The following VSTM2B variants were observed in gnomAD, a reference collection of about 807,000 sequenced individuals.
VSTM2B encodes V-set and transmembrane domain-containing protein 2B.
Under a neutral mutation model 24.0 loss-of-function variants are expected in VSTM2B, and 24 were observed. The observed-to-expected ratio is 1.00, with a 90% CI of 0.72 to 1.40. The LOEUF (loss-of-function observed/expected upper bound fraction) is 1.40. Ranked by LOEUF, VSTM2B falls within the 40% of genes most tolerant of loss-of-function variation. VSTM2B has a pLI of 0.00. For synonymous variants in VSTM2B, 226 were observed against 194.4 expected, an observed-to-expected ratio of 1.16 and a Z score of -1.35; for missense variants, 399 against 416.4, an observed-to-expected ratio of 0.96 and a Z score of 0.36.
chr19:29,557,460 G>T (rs1348294548), intron 4 of VSTM2B, among the ~76,000 whole-genome samples: 1 of 152,214 alleles, frequency 6.6e-6, no homozygotes, highest in African/African-American at 2.4e-5. Context: ...CACTTTGGGA[G>T]ACCAAGGTGG....
intron 4 of VSTM2B, among the ~76,000 whole-genome samples, chr19:29,544,248 C>T (rs546854438): frequency 6.6e-6 from 1 of 151,700 alleles, no homozygotes; most frequent in East Asian, 1.9e-4. Flanking sequence ...AATGTGCGGC[C>T]GGGCGCGGTG....
chr19:29,546,976 G>A (rs1568443874), intron 4 of VSTM2B, among the ~76,000 whole-genome samples: 2 of 152,204 alleles, frequency 1.3e-5, no homozygotes, highest in Non-Finnish European at 2.9e-5. Flanking sequence ...GGGAAGGAGA[G>A]TTCCAGCTCT....
At chr19:29,542,994 TC>T (rs1337743746) in intron 4 of VSTM2B, among the ~76,000 whole-genome samples, 2 of 152,068 alleles carry the variant, frequency 1.3e-5, no homozygotes, top group African/African-American at 2.4e-5. Context: ...ACACAGCCAA[TC>T]CCAGCCTGCT....
At chr19:29,528,321 G>T in intron 2 of VSTM2B, 112 bp from the exon 3 acceptor site, 1 of 1,352,292 alleles carries the variant, frequency 7.4e-7, no homozygotes. Flanking sequence ...TCCCCCGGGC[G>T]GTTTCGGTCC....
At chr19:29,542,761 T>C (rs1970054758) in intron 4 of VSTM2B, among the ~76,000 whole-genome samples, 1 of 152,112 alleles carries the variant, frequency 6.6e-6, no homozygotes, top group Admixed American at 6.5e-5. Context: ...AGATTTGGGA[T>C]ACAAGTTGAG....
chr19:29,541,299 A>G (rs1970013237), intron 4 of VSTM2B, among the ~76,000 whole-genome samples: 1 of 152,120 alleles, frequency 6.6e-6, no homozygotes, highest in Non-Finnish European at 1.5e-5. Flanking sequence ...GATGGGGAAG[A>G]CCACTTAGGA....
At chr19:29,562,330 G>A (rs1970547977) in intron 4 of VSTM2B, among the ~76,000 whole-genome samples, 1 of 152,210 alleles carries the variant, frequency 6.6e-6, no homozygotes, top group African/African-American at 2.4e-5. Context: ...GCTACCTGGA[G>A]AGAGGAGAGC....
chr19:29,548,349 G>A (rs1970197647), intron 4 of VSTM2B, among the ~76,000 whole-genome samples: 1 of 152,106 alleles, frequency 6.6e-6, no homozygotes, highest in Non-Finnish European at 1.5e-5. Context: ...TGCTCTCAAA[G>A]GTCCGCACCC....
intron 4 of VSTM2B, among the ~76,000 whole-genome samples, chr19:29,555,530 G>C (rs560252793): frequency 6.6e-6 from 1 of 151,956 alleles, no homozygotes; most frequent in Admixed American, 6.6e-5. Context: ...TCCAAAGCTA[G>C]TAAAAGAAAA....
rs559876403 is a variant in VSTM2B, at chr19:29,528,602, G to A, written c.297+140G>A. On this transcript the variant is annotated intron_variant, in intron 3 of 4. Transcript: ENST00000335523. ...GCAGCGATCGCAGCCTTGCATCGGT[G>A]GCTGCTCGGCGTGTCCGGGCGCCAT... 3.7e-4 allele frequency: 401 copies of A among 1,089,784 alleles called. 2 individuals carry two copies. The African/African-American group carries it at 5.4e-3, about 15-fold the overall frequency. The allele number at this position is 1,089,784 out of a possible 1,614,324, so 67.5% of individuals were successfully genotyped here.
At chr19:29,534,257 A>G (rs1969831882) in intron 4 of VSTM2B, among the ~76,000 whole-genome samples, 1 of 152,180 alleles carries the variant, frequency 6.6e-6, no homozygotes, top group Admixed American at 6.5e-5. Context: ...TCACCCAGCA[A>G]GGATCTCACT....
chr19:29,527,102 G>A (rs1276035421), intron 1 of VSTM2B, 109 bp from the exon 2 acceptor site: 22 of 983,808 alleles, frequency 2.2e-5, no homozygotes, highest in Non-Finnish European at 3.1e-5. Flanking sequence ...AGCAGCTGCG[G>A]GGTGGGGGGC....
chr19:29,529,341 G>A (rs1969669575), intron 3 of VSTM2B, among the ~76,000 whole-genome samples: 1 of 152,168 alleles, frequency 6.6e-6, no homozygotes, highest in African/African-American at 2.4e-5. Context: ...AAGCGATTCG[G>A]GCAGGCCCTC....
upstream of VSTM2B, among the ~76,000 whole-genome samples, chr19:29,525,945 G>T (rs1969549378): frequency 6.6e-6 from 1 of 150,980 alleles, no homozygotes; most frequent in Non-Finnish European, 1.5e-5. Flanking sequence ...GCGGCTTGGC[G>T]CCCAGCCACT....
chr19:29,534,774 C>T (rs948260814), intron 4 of VSTM2B, among the ~76,000 whole-genome samples: 1 of 151,860 alleles, frequency 6.6e-6, no homozygotes, highest in Admixed American at 6.6e-5. Context: ...GGACACTGGC[C>T]ATTTCAGATT....
chr19:29,562,747 T>C (rs1970561979), intron 4 of VSTM2B, among the ~76,000 whole-genome samples: 1 of 152,086 alleles, frequency 6.6e-6, no homozygotes, highest in Non-Finnish European at 1.5e-5. Context: ...GGTTTATGGG[T>C]GGGCTTTCCC....
At chr19:29,562,398 G>A (rs1970550459) in intron 4 of VSTM2B, among the ~76,000 whole-genome samples, 1 of 152,196 alleles carries the variant, frequency 6.6e-6, no homozygotes. Flanking sequence ...ATTAAGGCTG[G>A]AGGGAACCAG....
chr19:29,529,374 G>A (rs1435084046), intron 3 of VSTM2B, among the ~76,000 whole-genome samples: 2 of 152,236 alleles, frequency 1.3e-5, no homozygotes, highest in East Asian at 3.9e-4. Flanking sequence ...GGTGAGGAGG[G>A]CCGGCTGGGG....
chr19:29,552,480 G>A (rs1970309367), intron 4 of VSTM2B, among the ~76,000 whole-genome samples: 1 of 152,194 alleles, frequency 6.6e-6, no homozygotes, highest in Non-Finnish European at 1.5e-5. Context: ...GGCAAGGGAA[G>A]CACCTACCAC....
Sources: allele counts gnomAD v4.1 joint callset (sites outside exome capture counted in the v4.1 genomes callset), GRCh38; gene constraint gnomAD v4.1.1; transcripts MANE v1.5; gene names NCBI Gene and HGNC (gene_info 2026-07-23, HGNC 2026-07-21).